Variants in LDLRAD3 observed in about 807,000 individuals in gnomAD.
The protein encoded by LDLRAD3 is low-density lipoprotein receptor class A domain-containing protein 3.
LDLRAD3 carries 20 observed loss-of-function variants against 29.4 expected under a neutral mutation model. The observed-to-expected ratio is 0.68, with a 90% CI of 0.48 to 0.99. The LOEUF is 0.99. Among genes scored for constraint, LDLRAD3 ranks in the 50% least tolerant of loss-of-function variants. The probability of loss-of-function intolerance (pLI) is 0.00; values close to 1 mark genes in which losing one functional copy is unlikely to be tolerated. For missense variants in LDLRAD3, 420 were observed against 454.3 expected (o/e 0.92, Z 0.69); for synonymous variants, 157 against 192.7 (o/e 0.81, Z 1.53).
intron 3 of LDLRAD3, among the ~76,000 whole-genome samples, chr11:36,085,734 C>G (rs1853186473): frequency 6.6e-6 from 1 of 152,044 alleles, no homozygotes; most frequent in Non-Finnish European, 1.5e-5. Context: ...TCCTCAGCCT[C>G]CTGAGTAGCT....
intron 4 of LDLRAD3, among the ~76,000 whole-genome samples, chr11:36,108,275 G>A (rs1015194677): frequency 1.7e-4 from 21 of 125,626 alleles, no homozygotes; most frequent in Admixed American, 3.2e-4. Context: ...AGCCGAGATC[G>A]CGCCATTGCA....
intron 4 of LDLRAD3, among the ~76,000 whole-genome samples, chr11:36,100,700 G>C (rs1215324880): frequency 6.6e-6 from 1 of 152,198 alleles, no homozygotes; most frequent in Admixed American, 6.5e-5. Context: ...GCCTCCCCAA[G>C]TGCCGGGATT....
intron 1 of LDLRAD3, among the ~76,000 whole-genome samples, chr11:35,954,449 T>C (rs1437304922): frequency 6.6e-6 from 1 of 152,216 alleles, no homozygotes; most frequent in Non-Finnish European, 1.5e-5. Flanking sequence ...TTTGTTGTTA[T>C]ACTCCAGAAC....
intron 4 of LDLRAD3, among the ~76,000 whole-genome samples, chr11:36,113,406 C>T (rs1004759431): frequency 3.3e-5 from 5 of 150,450 alleles, no homozygotes; most frequent in South Asian, 2.1e-4. Flanking sequence ...CATCAGAAAG[C>T]GGGGAAGTAC....
intron 1 of LDLRAD3, among the ~76,000 whole-genome samples, chr11:36,009,537 A>G (rs1000700237): frequency 1.3e-5 from 2 of 152,244 alleles, no homozygotes; most frequent in Non-Finnish European, 2.9e-5. Flanking sequence ...ATGCTGAAAG[A>G]TGTAAAGTGG....
At chr11:36,110,364 C>T (rs1196394955) in intron 4 of LDLRAD3, among the ~76,000 whole-genome samples, 1 of 152,182 alleles carries the variant, frequency 6.6e-6, no homozygotes, top group African/African-American at 2.4e-5. Context: ...TCCTAGCTCT[C>T]TCTCCCCGGT....
At position 36,193,634 on chromosome 11, in the gene LDLRAD3, G is replaced by T. The variant is rs532767066; in HGVS notation, c.455-33451G>T. 3.3e-5 allele frequency among the ~76,000 whole-genome samples: 5 copies of T among 152,216 alleles called. No homozygotes were observed. In the East Asian group the frequency reaches 9.6e-4, roughly 29 times the overall value. On this transcript the variant is annotated intron_variant, in intron 4 of 5. Transcript: ENST00000315571. ...GTCGCATGCCCCTCCCAGCTCTCCT[G>T]TTAAGAGCACCACTTAGTTTTAATA...
At chr11:36,139,136 G>C (rs1854042572) in intron 4 of LDLRAD3, among the ~76,000 whole-genome samples, 2 of 152,154 alleles carry the variant, frequency 1.3e-5, no homozygotes, top group Admixed American at 1.3e-4. Flanking sequence ...TTTTGGACTG[G>C]CAAACTCTTT....
chr11:36,056,240 G>C (rs1256998600), intron 2 of LDLRAD3, among the ~76,000 whole-genome samples: 1 of 151,996 alleles, frequency 6.6e-6, no homozygotes, highest in Non-Finnish European at 1.5e-5. Context: ...TGATCCACCC[G>C]CCGCGGCCTC....
chr11:36,144,804 T>TG (rs1353865746), intron 4 of LDLRAD3, among the ~76,000 whole-genome samples: 8,654 of 72,072 alleles, frequency 0.12, 1,831 homozygotes, highest in African/African-American at 0.43. Context: ...GGGAGGGAGG[T>TG]GGGGGGGTCA....
intron 4 of LDLRAD3, among the ~76,000 whole-genome samples, chr11:36,211,288 G>A (rs1855281461): frequency 6.6e-6 from 1 of 152,204 alleles, no homozygotes; most frequent in Non-Finnish European, 1.5e-5. Flanking sequence ...AACACAGGAT[G>A]CTAACAGGCA....
intron 4 of LDLRAD3, among the ~76,000 whole-genome samples, chr11:36,144,931 A>G: frequency 1.1e-5 from 1 of 87,564 alleles, no homozygotes; most frequent in African/African-American, 4.4e-5. Flanking sequence ...CCCTACTGGG[A>G]AGTGAGGAGC....
At chr11:36,199,186 C>T (rs1855080981) in intron 4 of LDLRAD3, among the ~76,000 whole-genome samples, 1 of 152,032 alleles carries the variant, frequency 6.6e-6, no homozygotes, top group Non-Finnish European at 1.5e-5. Flanking sequence ...AGGCGTGAGC[C>T]ACTGCGCCCG....
chr11:35,962,369 C>T (rs549012854), intron 1 of LDLRAD3, among the ~76,000 whole-genome samples: 4 of 152,176 alleles, frequency 2.6e-5, no homozygotes, highest in South Asian at 2.1e-4. Context: ...CTGGTTCAAA[C>T]GGCTCATCTC....
At chr11:36,171,976 G>C (rs549749372) in intron 4 of LDLRAD3, among the ~76,000 whole-genome samples, 110 of 152,270 alleles carry the variant, frequency 7.2e-4, no homozygotes, top group African/African-American at 2.6e-3. Flanking sequence ...ATTTGTTTGT[G>C]TAATCTGTGA....
chr11:35,979,512 G>C lies in LDLRAD3; in HGVS notation c.46+35368G>C, dbSNP rs548099486. Among the ~76,000 whole-genome samples, 4 of 152,302 alleles carry C rather than the reference G, an allele frequency of 2.6e-5. No homozygotes were observed. In the South Asian group the frequency reaches 8.3e-4, roughly 32 times the overall value. On this transcript the variant is annotated intron_variant, in intron 1 of 5. Coordinates refer to ENST00000315571, the MANE Select transcript of LDLRAD3 (RefSeq NM_174902.4). ...GTAGTATGATAGAGTTTTCCTTCCTGAGGTTGACCATGGCTTAGTCCTTGC... is the reference window on the plus strand; with the variant it reads ...GTAGTATGATAGAGTTTTCCTTCCTCAGGTTGACCATGGCTTAGTCCTTGC...
intron 4 of LDLRAD3, among the ~76,000 whole-genome samples, chr11:36,108,457 C>T (rs770027840): frequency 6.6e-6 from 1 of 150,844 alleles, no homozygotes; most frequent in Non-Finnish European, 1.5e-5. Context: ...TAATAGAGCT[C>T]ATATTCTATA....
intron 1 of LDLRAD3, among the ~76,000 whole-genome samples, chr11:36,014,896 A>AGAAG (rs1328479268): frequency 2.0e-5 from 3 of 152,260 alleles, no homozygotes; most frequent in African/African-American, 7.2e-5. Flanking sequence ...TTTAAACAAA[A>AGAAG]GAAGGGGGGA....
intron 4 of LDLRAD3, among the ~76,000 whole-genome samples, chr11:36,114,492 A>G (rs1853648009): frequency 6.6e-6 from 1 of 152,084 alleles, no homozygotes; most frequent in Admixed American, 6.5e-5. Flanking sequence ...TTGATTTTGG[A>G]GTGTGATCAA....
Sources: gnomAD v4.1 joint callset for allele counts (sites outside exome capture counted in the v4.1 genomes callset) on GRCh38, gnomAD v4.1.1 for gene constraint, MANE v1.5 for transcripts, NCBI Gene and HGNC (gene_info 2026-07-23, HGNC 2026-07-21) for gene names.